The following ATP8A2 variants were observed in gnomAD, a reference collection of about 807,000 sequenced individuals.
ATP8A2 encodes the protein ATPase phospholipid transporting 8A2.
A neutral mutation model predicts 165.6 loss-of-function variants in ATP8A2; 100 were observed. The ratio of observed to expected loss-of-function variants is 0.60; its 90% CI spans 0.51 to 0.71. The LOEUF (loss-of-function observed/expected upper bound fraction) is 0.71, where lower values mean the gene tolerates loss of function less well. ATP8A2 is among the 30% of genes least tolerant of loss of function. ATP8A2 has a pLI of 0.00. For synonymous variants in ATP8A2, 543 were observed against 548.8 expected (o/e 0.99, Z 0.15); for missense variants, 1,227 against 1,479.5 (o/e 0.83, Z 2.80).
intron 24 of ATP8A2, among the ~76,000 whole-genome samples, chr13:25,606,501 T>C (rs964266662): frequency 6.6e-6 from 1 of 152,204 alleles, no homozygotes; most frequent in Non-Finnish European, 1.5e-5. Context: ...TCTTGACTTA[T>C]TAAATTGCCA....
chr13:25,906,659 T>C (rs1331883895), intron 33 of ATP8A2, among the ~76,000 whole-genome samples: 1 of 152,186 alleles, frequency 6.6e-6, no homozygotes, highest in Non-Finnish European at 1.5e-5. Flanking sequence ...GGCCCTTGGT[T>C]TTCTGTCACT....
chr13:25,473,674 T>C (rs2035911110), intron 2 of ATP8A2, among the ~76,000 whole-genome samples: 1 of 152,120 alleles, frequency 6.6e-6, no homozygotes, highest in Non-Finnish European at 1.5e-5. Flanking sequence ...TCATCTCCCA[T>C]CCCTTCCTCC....
intron 1 of ATP8A2, among the ~76,000 whole-genome samples, chr13:25,400,068 A>G (rs1157150308): frequency 1.5e-5 from 1 of 66,902 alleles, no homozygotes; most frequent in African/African-American, 5.4e-5. Context: ...GTCTACAGGC[A>G]CACACTGCCA....
At chr13:25,645,909 T>A (rs968555664) in intron 24 of ATP8A2, among the ~76,000 whole-genome samples, 8 of 152,206 alleles carry the variant, frequency 5.3e-5, no homozygotes, top group South Asian at 2.1e-4. Context: ...GATGGAATGT[T>A]CCATATCTGT....
chr13:25,940,495 T>C (rs1180967898), intron 33 of ATP8A2, among the ~76,000 whole-genome samples: 1 of 152,176 alleles, frequency 6.6e-6, no homozygotes, highest in African/African-American at 2.4e-5. Context: ...CCCACCGGCC[T>C]TTCCTCCACA....
chr13:25,686,568 G>A (rs1396097264), intron 24 of ATP8A2, among the ~76,000 whole-genome samples: 1 of 152,144 alleles, frequency 6.6e-6, no homozygotes, highest in African/African-American at 2.4e-5. Flanking sequence ...CCCTGACACT[G>A]TAATGTTTCA....
At chr13:25,846,890 T>A (rs1280294716) in intron 30 of ATP8A2, among the ~76,000 whole-genome samples, 3 of 152,168 alleles carry the variant, frequency 2.0e-5, no homozygotes, top group Non-Finnish European at 4.4e-5. Flanking sequence ...CAGGAGAATG[T>A]GCTAATGCAG....
At chr13:25,921,949 ATTGTTAGATTTTGTAAAACCAT>A (rs1380788904) in intron 33 of ATP8A2, among the ~76,000 whole-genome samples, 7 of 152,182 alleles carry the variant, frequency 4.6e-5, no homozygotes, top group South Asian at 2.1e-4. Flanking sequence ...TTGTAAAACC[ATTGTTAGATTTTGTAAAACCAT>A]TTGTTAGATT....
At chr13:25,979,736 G>C (rs1007801902) in intron 35 of ATP8A2, among the ~76,000 whole-genome samples, 1 of 152,208 alleles carries the variant, frequency 6.6e-6, no homozygotes, top group Non-Finnish European at 1.5e-5. Flanking sequence ...TTGCTTTAGA[G>C]CTCGCCTGGT....
intron 35 of ATP8A2, among the ~76,000 whole-genome samples, chr13:25,986,672 T>C (rs901903575): frequency 2.6e-5 from 4 of 152,244 alleles, no homozygotes; most frequent in African/African-American, 9.6e-5. Context: ...AACATGGCAG[T>C]GCGGATGTCT....
intron 36 of ATP8A2, among the ~76,000 whole-genome samples, 154 bp from the exon 37 acceptor site, chr13:26,019,734 G>C (rs1484310585): frequency 6.6e-6 from 1 of 152,196 alleles, no homozygotes; most frequent in African/African-American, 2.4e-5. Context: ...TATGGCCACA[G>C]GTTTCTTCAT....
chr13:25,517,433 T>A (rs2037516289), intron 2 of ATP8A2, among the ~76,000 whole-genome samples: 1 of 152,190 alleles, frequency 6.6e-6, no homozygotes, highest in African/African-American at 2.4e-5. Context: ...ATGCAGGTGT[T>A]GAGATAAAGT....
rs935833932 is a variant in ATP8A2, at chr13:25,883,679, C to T, written c.3183+21271C>T. On this transcript the variant is annotated intron_variant, in intron 33 of 36. Coordinates refer to ENST00000381655, the MANE Select transcript of ATP8A2 (RefSeq NM_016529.6). The stretch of plus-strand genomic sequence containing the variant: ...TGGACATCTGGGGAAGAGTGGAGAA[C>T]GCTTGTCCCCTGGCTTCTCCCAGCT... Among the ~76,000 whole-genome samples the T allele has an allele frequency of 5.3e-5, 8 of 152,310 alleles. No homozygotes were observed. In the East Asian group the frequency reaches 9.6e-4, roughly 18 times the overall value.
chr13:25,677,863 G>T (rs1469230547), intron 24 of ATP8A2, among the ~76,000 whole-genome samples: 2 of 152,128 alleles, frequency 1.3e-5, no homozygotes, highest in East Asian at 1.9e-4. Flanking sequence ...GTGGACTTCA[G>T]ACTTTAAGGA....
chr13:25,860,765 G>T, intron 31 of ATP8A2, 39 bp from the exon 32 acceptor site: 1 of 1,476,188 alleles, frequency 6.8e-7, no homozygotes, highest in South Asian at 1.2e-5. Context: ...ATAACTCATT[G>T]AGAATAATGT....
At chr13:25,853,037 A>G (rs1030148377) in intron 30 of ATP8A2, among the ~76,000 whole-genome samples, 1 of 152,130 alleles carries the variant, frequency 6.6e-6, no homozygotes, top group Admixed American at 6.5e-5. Context: ...TAAAGTATTA[A>G]AGGAGCTAAT....
chr13:25,409,801 A>G (rs961059818), intron 1 of ATP8A2, among the ~76,000 whole-genome samples: 1 of 152,044 alleles, frequency 6.6e-6, no homozygotes, highest in African/African-American at 2.4e-5. Context: ...TATGGCAGAT[A>G]GTCGTGGTTA....
At chr13:25,906,901 C>T (rs1041048790) in intron 33 of ATP8A2, among the ~76,000 whole-genome samples, 2 of 152,170 alleles carry the variant, frequency 1.3e-5, no homozygotes, top group Non-Finnish European at 2.9e-5. Flanking sequence ...ATAGAAAAGA[C>T]TCACGAAACT....
rs995945934 is a variant in ATP8A2 at position 25,731,144 on chromosome 13, A to C, written c.2384+31799A>C. On this transcript the variant is annotated intron_variant, in intron 25 of 36. Coordinates refer to ENST00000381655, the MANE Select transcript of ATP8A2 (RefSeq NM_016529.6). ...AAAAGAAAAGAGAGAGAGAGAGAGAAATAAAAGAAAGAAAGAGAAAGAAGG... is the reference window on the plus strand; with the variant it reads ...AAAAGAAAAGAGAGAGAGAGAGAGACATAAAAGAAAGAAAGAGAAAGAAGG... 4.2e-4 allele frequency among the ~76,000 whole-genome samples: 33 copies of C among 79,306 alleles called. 1 individual carries two copies. Among genetic ancestry groups the C allele is most frequent in the African/African-American group, 1.3e-3 (33 of 24,474 alleles). 52.0% of individuals were successfully genotyped at this position (79,306 alleles called of 152,430 possible).
Sources: allele counts gnomAD v4.1 joint callset (sites outside exome capture counted in the v4.1 genomes callset), GRCh38; gene constraint gnomAD v4.1.1; transcripts MANE v1.5; gene names NCBI Gene and HGNC (gene_info 2026-07-23, HGNC 2026-07-21).